The following DLG2 variants were observed in gnomAD, a reference collection of about 807,000 sequenced individuals.
The protein encoded by DLG2 is discs large MAGUK scaffold protein 2.
DLG2 carries 45 observed loss-of-function variants against 132.5 expected under a neutral mutation model. That is an observed-to-expected ratio of 0.34 (90% confidence interval 0.27 to 0.44). The LOEUF is 0.44. DLG2 is among the 20% of genes least tolerant of loss of function. The pLI, the probability that DLG2 is intolerant of heterozygous loss-of-function variation, is 1.00. For synonymous variants in DLG2, 424 were observed against 419.6 expected (o/e 1.01, Z -0.13); for missense variants, 1,045 against 1,196.9 (o/e 0.87, Z 1.87).
At chr11:83,658,789 C>G (rs1230032906) in intron 18 of DLG2, among the ~76,000 whole-genome samples, 1 of 152,210 alleles carries the variant, frequency 6.6e-6, no homozygotes, top group Non-Finnish European at 1.5e-5. Flanking sequence ...TTTACCACTT[C>G]TCTAGTGGTT....
chr11:85,488,807 G>T (rs2093491523), intron 3 of DLG2, among the ~76,000 whole-genome samples: 1 of 152,150 alleles, frequency 6.6e-6, no homozygotes, highest in South Asian at 2.1e-4. Context: ...ACAAGGAAAT[G>T]ATGACAGAAT....
At chr11:83,674,187 AAGGG>A (rs1454360337) in intron 18 of DLG2, among the ~76,000 whole-genome samples, 1 of 152,118 alleles carries the variant, frequency 6.6e-6, no homozygotes, top group Non-Finnish European at 1.5e-5. Context: ...AGTCCTAGGG[AAGGG>A]ATTCAGGGGT....
chr11:83,956,582 A>G (rs2086903250), intron 14 of DLG2, among the ~76,000 whole-genome samples: 1 of 152,206 alleles, frequency 6.6e-6, no homozygotes, highest in African/African-American at 2.4e-5. Context: ...GGGGTTGAGC[A>G]CGGTGGGCCA....
At chr11:85,515,091 ATAACTGGAGTTGG>A (rs2094146563) in intron 3 of DLG2, among the ~76,000 whole-genome samples, 1 of 151,934 alleles carries the variant, frequency 6.6e-6, no homozygotes, top group South Asian at 2.1e-4. Context: ...CTGTAGTCAG[ATAACTGGAGTTGG>A]TAGGAAATAT....
At chr11:84,356,466 C>G (rs2098612526) in intron 7 of DLG2, among the ~76,000 whole-genome samples, 1 of 152,044 alleles carries the variant, frequency 6.6e-6, no homozygotes, top group Non-Finnish European at 1.5e-5. Flanking sequence ...CATTTGGAAA[C>G]AAGACTATCT....
At chr11:83,836,113 C>G (rs941833931) in intron 16 of DLG2, among the ~76,000 whole-genome samples, 1 of 152,140 alleles carries the variant, frequency 6.6e-6, no homozygotes, top group African/African-American at 2.4e-5. Flanking sequence ...CTGCTGATGT[C>G]CCAGCTTGAA....
chr11:85,498,928 C>T (rs192330118), intron 3 of DLG2, among the ~76,000 whole-genome samples: 7 of 152,266 alleles, frequency 4.6e-5, no homozygotes, highest in Admixed American at 4.6e-4. Flanking sequence ...ATCTCTGGGA[C>T]ACATTTAAAG....
At chr11:84,165,969 C>T (rs929519338) in intron 8 of DLG2, among the ~76,000 whole-genome samples, 3 of 152,110 alleles carry the variant, frequency 2.0e-5, no homozygotes, top group East Asian at 3.9e-4. Flanking sequence ...TTCGTGAACT[C>T]GTAGAAGCAT....
chr11:85,107,081 C>T (rs2071875451), intron 6 of DLG2, among the ~76,000 whole-genome samples: 1 of 151,912 alleles, frequency 6.6e-6, no homozygotes, highest in African/African-American at 2.4e-5. Context: ...GAATTCAGTG[C>T]TCTAATTTAT....
chr11:85,052,997 G>T (rs182626850), intron 6 of DLG2, among the ~76,000 whole-genome samples: 22 of 152,026 alleles, frequency 1.4e-4, no homozygotes, highest in African/African-American at 5.1e-4. Context: ...ACTACATTAC[G>T]CTTTTTAAAT....
intron 3 of DLG2, among the ~76,000 whole-genome samples, chr11:85,292,950 G>C (rs189987602): frequency 1.9e-3 from 287 of 152,050 alleles, no homozygotes; most frequent in Non-Finnish European, 2.5e-3. Context: ...AAAATCACAG[G>C]ATCATATCAA....
At chr11:85,029,657 C>A (rs1386588745) in intron 6 of DLG2, among the ~76,000 whole-genome samples, 1 of 152,198 alleles carries the variant, frequency 6.6e-6, no homozygotes, top group African/African-American at 2.4e-5. Context: ...CCTTACCTAT[C>A]TTAAATTCAG....
At chr11:84,441,736 A>G (rs1257976391) in intron 7 of DLG2, among the ~76,000 whole-genome samples, 1 of 152,192 alleles carries the variant, frequency 6.6e-6, no homozygotes, top group Non-Finnish European at 1.5e-5. Context: ...AATAAAGTAC[A>G]ATCTTTTTCT....
chr11:83,804,167 AAATCTTCCC>A (rs1476512553), intron 17 of DLG2, among the ~76,000 whole-genome samples: 12 of 152,096 alleles, frequency 7.9e-5, no homozygotes, highest in African/African-American at 2.9e-4. Context: ...TACTTTCATC[AAATCTTCCC>A]AATTGCAATC....
chr11:85,413,535 C>T (rs888595911), intron 3 of DLG2, among the ~76,000 whole-genome samples: 5 of 151,736 alleles, frequency 3.3e-5, no homozygotes, highest in Admixed American at 6.6e-5. Flanking sequence ...TTAGAGTTTC[C>T]GGTCTTAGAT....
rs2088917761 is a variant in DLG2, at chr11:83,456,070, GTC to G, written c.*3746_*3747del. On this transcript the variant is annotated 3_prime_UTR_variant, in exon 28 of 28. Coordinates refer to ENST00000376104, the MANE Select transcript of DLG2 (RefSeq NM_001142699.3). ...GAAAGCTTATGAATGGGAAAAAAAT[GTC>G]TCTCTCCAAACCAAGGTGATGGCAT... The G allele has an allele frequency of 6.5e-6, 1 of 152,724 alleles. No individual in the cohort carries two copies. The highest frequency in any genetic ancestry group is 2.4e-5 in the African/African-American group (1 of 41,464). The allele number at this position is 152,724 out of a possible 1,614,324, so 9.5% of individuals were successfully genotyped here.
At chr11:83,500,428 G>T (rs148462647) in intron 21 of DLG2, among the ~76,000 whole-genome samples, 2 of 152,246 alleles carry the variant, frequency 1.3e-5, no homozygotes, top group East Asian at 3.9e-4. Context: ...GAATATGAGA[G>T]AAGTATCAGA....
At chr11:85,281,210 A>G (rs1429407145) in intron 4 of DLG2, among the ~76,000 whole-genome samples, 1 of 152,016 alleles carries the variant, frequency 6.6e-6, no homozygotes, top group African/African-American at 2.4e-5. Flanking sequence ...GCTGAATGCA[A>G]ACAAGTCGAT....
At chr11:84,009,039 T>A (rs1294699350) in intron 11 of DLG2, among the ~76,000 whole-genome samples, 1 of 151,926 alleles carries the variant, frequency 6.6e-6, no homozygotes, top group Non-Finnish European at 1.5e-5. Flanking sequence ...TTTCAATAAA[T>A]ATCTGTTAAC....
Sources: allele counts gnomAD v4.1 joint callset (sites outside exome capture counted in the v4.1 genomes callset), GRCh38; gene constraint gnomAD v4.1.1; transcripts MANE v1.5; gene names NCBI Gene and HGNC (gene_info 2026-07-23, HGNC 2026-07-21).